The following HEPH variants were observed in gnomAD, a reference collection of about 807,000 sequenced individuals.
The protein encoded by HEPH is hephaestin.
Under a neutral mutation model 80.8 loss-of-function variants are expected in HEPH, and 69 were observed. The ratio of observed to expected loss-of-function variants is 0.85; its 90% CI spans 0.70 to 1.04. The LOEUF (loss-of-function observed/expected upper bound fraction) is 1.04. Ranked by LOEUF, HEPH falls within the 50% of genes least tolerant of loss-of-function variation. The pLI, the probability that HEPH is intolerant of heterozygous loss-of-function variation, is 0.00. For missense variants in HEPH, 1,115 were observed against 891.3 expected, an observed-to-expected ratio of 1.25 and a Z score of -3.20; for synonymous variants, 431 against 322.8, an observed-to-expected ratio of 1.34 and a Z score of -3.60.
chrX:66,211,862 A>G (rs865971075), intron 15 of HEPH, among the ~76,000 whole-genome samples: 12 of 111,629 alleles, frequency 1.1e-4, no homozygotes, highest in Middle Eastern at 4.6e-3. Flanking sequence ...CCTAGTAGTG[A>G]CATTGCTGGA....
chrX:66,254,943 G>A (rs1358092968), intron 15 of HEPH, 92 bp from the exon 16 acceptor site: 4 of 474,542 alleles, frequency 8.4e-6, no homozygotes, highest in Non-Finnish European at 1.1e-5. Context: ...TAAAGAAGAT[G>A]GGATTCACTC....
intron 15 of HEPH, among the ~76,000 whole-genome samples, chrX:66,228,948 A>G (rs2090006430): frequency 8.9e-6 from 1 of 112,687 alleles, no homozygotes; most frequent in Non-Finnish European, 1.9e-5. Context: ...AAACTAGTAC[A>G]GCCTCTATGG....
At chrX:66,225,476 C>CA (rs983328529) in intron 15 of HEPH, among the ~76,000 whole-genome samples, 17 of 111,785 alleles carry the variant, frequency 1.5e-4, no homozygotes, top group Admixed American at 3.8e-4. Context: ...CAAGTCAAGT[C>CA]AAAAAAAAGA....
chrX:66,268,765 T>G (rs2091590381), downstream of HEPH: 1 of 111,844 alleles, frequency 8.9e-6, no homozygotes, highest in African/African-American at 3.2e-5. Flanking sequence ...ATTTTTGTGG[T>G]AAGTTTGCTC....
chrX:66,246,026 G>A (rs2090791242), intron 15 of HEPH, among the ~76,000 whole-genome samples: 1 of 112,172 alleles, frequency 8.9e-6, no homozygotes, highest in African/African-American at 3.2e-5. Context: ...GCTGTAATCT[G>A]CTGTCGGAGT....
chrX:66,245,186 A>C (rs767797320), intron 15 of HEPH, among the ~76,000 whole-genome samples: 1 of 111,275 alleles, frequency 9.0e-6, no homozygotes. Flanking sequence ...CTGACTGGCA[A>C]ATTGGATAAA....
chrX:66,262,359 G>A (rs1482024611), intron 19 of HEPH, among the ~76,000 whole-genome samples: 1 of 111,736 alleles, frequency 8.9e-6, no homozygotes, highest in Non-Finnish European at 1.9e-5. Context: ...TGACCAGGGG[G>A]TTTGACAGAC....
chrX:66,179,459 G>C (rs2086986247), intron 4 of HEPH, among the ~76,000 whole-genome samples: 1 of 111,839 alleles, frequency 8.9e-6, no homozygotes, highest in African/African-American at 3.2e-5. Context: ...GAACTTTATA[G>C]TAGTTTTTTC....
At chrX:66,236,973 T>C (rs1243190442) in intron 15 of HEPH, among the ~76,000 whole-genome samples, 2 of 111,676 alleles carry the variant, frequency 1.8e-5, no homozygotes, top group East Asian at 5.6e-4. Context: ...ATATCCCCTT[T>C]GTCATTTCTA....
chrX:66,194,966 T>G, intron 8 of HEPH, 132 bp from the exon 9 acceptor site: 1 of 435,928 alleles, frequency 2.3e-6, no homozygotes, highest in Non-Finnish European at 3.6e-6. Context: ...TTGTTCTTAT[T>G]ATTACAAAGA....
chrX:66,260,113 A>G lies in HEPH; in HGVS notation c.3050A>G (p.Tyr1017Cys). The change falls in exon 19 of 21, where the codon TAC becomes TGC. Residue 1017 changes from tyrosine to cysteine, a missense_variant. By Grantham distance (194) the Tyr-to-Cys change is radical. Transcript: ENST00000343002. ...TCTCTCTTGCAGAATGGCGAGAACT[A>G]CCGGGCAGATGTGGTGGATCTGTTC... is the stretch of plus-strand genomic sequence containing the variant. Reference protein sequence around the residue: ...ESFLYRNGENYRADVVDLFPG... With the variant: ...ESFLYRNGENCRADVVDLFPG... 1.7e-6 allele frequency: 2 copies of G among 1,207,827 alleles called. No individual in the cohort carries two copies. The highest frequency in any genetic ancestry group is 3.5e-5 in the African/African-American group (2 of 57,225).
At chrX:66,227,030 C>T (rs550806877) in intron 15 of HEPH, among the ~76,000 whole-genome samples, 3 of 111,578 alleles carry the variant, frequency 2.7e-5, no homozygotes, top group East Asian at 5.6e-4. Context: ...ATGCAGAAAT[C>T]CTCTATGAAA....
chrX:66,224,084 C>T (rs1006496176), intron 15 of HEPH, among the ~76,000 whole-genome samples: 10 of 83,642 alleles, frequency 1.2e-4, no homozygotes, highest in African/African-American at 8.9e-4. Context: ...CTCTTTCCCC[C>T]GCTTTTTTTT....
At chrX:66,238,591 G>T (rs1331926787) in intron 15 of HEPH, among the ~76,000 whole-genome samples, 2 of 111,780 alleles carry the variant, frequency 1.8e-5, no homozygotes, top group Non-Finnish European at 3.8e-5. Context: ...TGCCTGGCTT[G>T]TAGGGTTTCT....
chrX:66,239,268 G>C lies in HEPH; in HGVS notation c.2564-15767G>C, dbSNP rs574602064. On this transcript the variant is annotated intron_variant, in intron 15 of 20. Coordinates refer to ENST00000343002, the MANE Select transcript of HEPH (RefSeq NM_001367233.3). ...TCAACTCACCCATTCCCCTTAATTT[G>C]TTGGGGACCAGGAATAAGTCCGAGT... is the stretch of plus-strand genomic sequence containing the variant. Among the ~76,000 whole-genome samples, 5 of 111,694 alleles carry C rather than the reference G, an allele frequency of 4.5e-5. No homozygotes were observed. The South Asian group carries it at 1.5e-3, about 34-fold the overall frequency.
At chrX:66,172,252 C>A in intron 2 of HEPH, 103 bp from the exon 3 acceptor site, 1 of 792,698 alleles carries the variant, frequency 1.3e-6, no homozygotes, top group Non-Finnish European at 1.8e-6. Flanking sequence ...TTGTTTTGTC[C>A]TAAACAAAGA....
intron 15 of HEPH, among the ~76,000 whole-genome samples, chrX:66,254,463 A>G (rs945391027): frequency 5.4e-5 from 6 of 111,600 alleles, no homozygotes; most frequent in African/African-American, 1.6e-4. Flanking sequence ...GTGAGTTCAT[A>G]CAATCTGTTT....
intron 4 of HEPH, among the ~76,000 whole-genome samples, chrX:66,178,268 A>G (rs2086911337): frequency 8.9e-6 from 1 of 112,400 alleles, no homozygotes; most frequent in African/African-American, 3.2e-5. Flanking sequence ...TACAAAGGAC[A>G]TGAACTCATC....
intron 6 of HEPH, among the ~76,000 whole-genome samples, chrX:66,190,770 T>C (rs2087745567): frequency 9.0e-6 from 1 of 111,717 alleles, no homozygotes; most frequent in South Asian, 3.8e-4. Context: ...ATAATAAATC[T>C]TGGGTGTTAG....
Sources: gnomAD v4.1 joint callset for allele counts (sites outside exome capture counted in the v4.1 genomes callset) on GRCh38, gnomAD v4.1.1 for gene constraint, MANE v1.5 for transcripts, NCBI Gene and HGNC (gene_info 2026-07-23, HGNC 2026-07-21) for gene names.